Variants in TP53BP1 observed in about 807,000 individuals in gnomAD.
TP53BP1 encodes TP53-binding protein 1.
TP53BP1 carries 61 observed loss-of-function variants against 200.8 expected under a neutral mutation model. The observed-to-expected ratio is 0.30, with a 90% CI of 0.25 to 0.38. The LOEUF is 0.38. TP53BP1 is among the 10% of genes least tolerant of loss of function. TP53BP1 has a pLI of 1.00. For missense variants in TP53BP1, 2,144 were observed against 2,371.9 expected (o/e 0.90, Z 2.00); for synonymous variants, 822 against 844.3 (o/e 0.97, Z 0.46).
chr15:43,491,630 G>C lies in TP53BP1; in HGVS notation c.371+39C>G, dbSNP rs2079123990. The C allele has an allele frequency of 2.1e-6, 3 of 1,427,996 alleles. No homozygotes were observed. In the African/African-American group the frequency reaches 4.2e-5, roughly 20 times the overall value. 88.5% of individuals were successfully genotyped at this position (1,427,996 alleles called of 1,614,324 possible). A position where few individuals can be genotyped will look rare whatever the true frequency, so the allele number is the denominator to read the frequency against. On this transcript the variant is annotated intron_variant, in intron 4 of 27. Coordinates refer to ENST00000382044, the MANE Select transcript of TP53BP1 (RefSeq NM_001141980.3). ...CAGGTACAGATAAAAGAACAAATCT[G>C]ATAATACATTTAAATAAACCCCTTC...
intron 12 of TP53BP1, among the ~76,000 whole-genome samples, chr15:43,448,227 G>C (rs189648923): frequency 6.6e-6 from 1 of 152,076 alleles, no homozygotes; most frequent in South Asian, 2.1e-4. Flanking sequence ...TTTCTACCTA[G>C]GTCTCAGTTC....
At chr15:43,413,035 ACAGGGGGACCAC>A in intron 24 of TP53BP1, 72 bp downstream of exon 24, 2 of 1,366,794 alleles carry the variant, frequency 1.5e-6, no homozygotes, top group South Asian at 2.5e-5. Flanking sequence ...TCTACATACA[ACAGGGGGACCAC>A]CAGCTCATAA....
chr15:43,485,438 G>A (rs71476435), intron 4 of TP53BP1, among the ~76,000 whole-genome samples: 26,483 of 151,664 alleles, frequency 0.17, 2,480 homozygotes, highest in Middle Eastern at 0.27. Context: ...TTAGCCAGGC[G>A]TGGTAGCAGG....
chr15:43,444,961 C>A (rs1443104981), intron 14 of TP53BP1, among the ~76,000 whole-genome samples: 1 of 152,024 alleles, frequency 6.6e-6, no homozygotes, highest in African/African-American at 2.4e-5. Flanking sequence ...TTGGTGATGA[C>A]CTTGAGCAGC....
upstream of TP53BP1, among the ~76,000 whole-genome samples, chr15:43,495,422 C>G (rs566390293): frequency 1.1e-4 from 16 of 150,762 alleles, no homozygotes; most frequent in African/African-American, 3.7e-4. Flanking sequence ...TTGCTTGAAC[C>G]CTGGAGGCGT....
chr15:43,448,440 C>T (rs2046092324), intron 12 of TP53BP1, among the ~76,000 whole-genome samples: 2 of 152,160 alleles, frequency 1.3e-5, no homozygotes, highest in Non-Finnish European at 2.9e-5. Context: ...TTGGACACTA[C>T]TACTTATGAA....
Position 43,404,414 on chromosome 15 carries a change from G to C in TP53BP1, c.*2969C>G. The stretch of plus-strand genomic sequence containing the variant: ...ACAGCTGAGTCCTTCTCTCTGCAGG[G>C]CTTTAGCCGCCAGTCTTCACTCCTG... On this transcript the variant is annotated 3_prime_UTR_variant, in exon 28 of 28. Coordinates refer to ENST00000382044, the MANE Select transcript of TP53BP1 (RefSeq NM_001141980.3). The C allele has an allele frequency of 1.9e-6, 3 of 1,614,062 alleles. No homozygotes were observed. Among genetic ancestry groups the C allele is most frequent in the Non-Finnish European group, 2.5e-6 (3 of 1,179,980 alleles).
At chr15:43,471,196 A>G (rs2046716148) in intron 10 of TP53BP1, among the ~76,000 whole-genome samples, 2 of 145,340 alleles carry the variant, frequency 1.4e-5, no homozygotes, top group Admixed American at 1.3e-4. Context: ...TAAATCTAAA[A>G]TATAACTGAC....
At chr15:43,421,604 G>A (rs574550073) in intron 19 of TP53BP1, 85 of 572,968 alleles carry the variant, frequency 1.5e-4, no homozygotes, top group African/African-American at 3.6e-4. Context: ...ATAAATTCCC[G>A]AAAGTCCCCT....
chr15:43,405,105 G>T lies in TP53BP1; in HGVS notation c.*2278C>A. 7.2e-7 allele frequency: 1 copy of T among 1,393,748 alleles called. No individual in the cohort carries two copies. The highest frequency in any genetic ancestry group is 1.2e-5 in the South Asian group (1 of 81,470). 86.3% of individuals were successfully genotyped at this position (1,393,748 alleles called of 1,614,324 possible). ...AAAAGAAACTCTTCAGTTTTAAGAT[G>T]ACATTATTTAGATCACAGGTTATCC... is the stretch of plus-strand genomic sequence containing the variant. On this transcript the variant is annotated 3_prime_UTR_variant, in exon 28 of 28. Transcript: ENST00000382044.
intron 18 of TP53BP1, 42 bp from the exon 19 acceptor site, chr15:43,422,168 A>G: frequency 7.5e-6 from 12 of 1,592,860 alleles, no homozygotes; most frequent in Non-Finnish European, 1.0e-5. Context: ...AGATGCCATA[A>G]TAACACAATG....
At position 43,466,340 on chromosome 15, in the gene TP53BP1, T is replaced by A. The variant is rs951520065; in HGVS notation, c.1389+3518A>T. Among the ~76,000 whole-genome samples, 4 of 152,188 alleles carry A rather than the reference T, an allele frequency of 2.6e-5. No individual in the cohort carries two copies. The East Asian group carries it at 7.7e-4, about 29-fold the overall frequency. On this transcript the variant is annotated intron_variant, in intron 11 of 27. Coordinates refer to ENST00000382044, the MANE Select transcript of TP53BP1 (RefSeq NM_001141980.3). ...TCCTCAACATCCTGAAAGGAGTTTC[T>A]GACAATTGGTGGAGAATCTAGGGTT...
At chr15:43,488,556 TAC>T (rs926021811) in intron 4 of TP53BP1, among the ~76,000 whole-genome samples, 4 of 152,068 alleles carry the variant, frequency 2.6e-5, no homozygotes, top group Non-Finnish European at 5.9e-5. Context: ...CACACACGCA[TAC>T]ACACACACAT....
chr15:43,445,044 A>G (rs1052526651), intron 14 of TP53BP1, among the ~76,000 whole-genome samples: 5 of 152,096 alleles, frequency 3.3e-5, no homozygotes, highest in Non-Finnish European at 5.9e-5. Flanking sequence ...TAAAATCTGT[A>G]AACTTGCTCA....
chr15:43,446,750 G>T, intron 13 of TP53BP1, 160 bp from the exon 14 acceptor site: 1 of 1,508,418 alleles, frequency 6.6e-7, no homozygotes, highest in South Asian at 1.3e-5. Flanking sequence ...CAACAACTAC[G>T]AACTAGTATT....
chr15:43,474,676 G>C lies in TP53BP1; in HGVS notation c.1177C>G (p.Gln393Glu), dbSNP rs2046813028. Residue 393 changes from glutamine (Q) to glutamate (E), a missense_variant, in exon 10 of 28, where the codon CAA becomes GAA. Gln to Glu is a conservative substitution (Grantham distance 29). Coordinates refer to ENST00000382044, the MANE Select transcript of TP53BP1 (RefSeq NM_001141980.3). ...CAGACAGATCAAGAGAGCTCACCTT[G>C]TCTCCCTTCTTGCTCTGTGGGACTG... ...PSSPTEQEGRQDKPMDTSVLS... is the reference protein window; with the variant it reads ...PSSPTEQEGREDKPMDTSVLS... 1 of 1,605,732 alleles carries C rather than the reference G, an allele frequency of 6.2e-7. No homozygotes were observed. The highest frequency in any genetic ancestry group is 8.5e-7 in the Non-Finnish European group (1 of 1,172,742).
chr15:43,403,487 G>GA lies in TP53BP1; in HGVS notation c.*3895dup. On this transcript the variant is annotated 3_prime_UTR_variant, in exon 28 of 28. Transcript: ENST00000382044. The stretch of plus-strand genomic sequence containing the variant: ...AAGAGAGTAATACTCGCTTAGCCAG[G>GA]AAAGGATGCATTTGTTTTACGCATT... 1.8e-6 allele frequency: 1 copy of GA among 542,200 alleles called. No homozygotes were observed. Among genetic ancestry groups the GA allele is most frequent in the Non-Finnish European group, 3.3e-6 (1 of 301,736 alleles). 33.6% of individuals were successfully genotyped at this position (542,200 alleles called of 1,614,324 possible).
intron 13 of TP53BP1, 27 bp from the exon 14 acceptor site, chr15:43,446,617 A>G (rs757708851): frequency 3.7e-6 from 6 of 1,600,736 alleles, no homozygotes; most frequent in Non-Finnish European, 5.1e-6. Flanking sequence ...AGGGAGGAAG[A>G]AAAAAAGAAC....
At chr15:43,500,038 CCA>C (rs1484521795) in intron 1 of TP53BP1, among the ~76,000 whole-genome samples, 2 of 152,168 alleles carry the variant, frequency 1.3e-5, no homozygotes, top group Non-Finnish European at 2.9e-5. Flanking sequence ...TTGATTTCAT[CCA>C]GTCACATTGC....
Sources: allele counts gnomAD v4.1 joint callset (sites outside exome capture counted in the v4.1 genomes callset), GRCh38; gene constraint gnomAD v4.1.1; transcripts MANE v1.5; gene names NCBI Gene and HGNC (gene_info 2026-07-23, HGNC 2026-07-21).